Variants in ANK1 observed in about 807,000 individuals in gnomAD.
The protein encoded by ANK1 is ankyrin 1, also known as ankyrin-1.
ANK1 carries 51 observed loss-of-function variants against 210.4 expected under a neutral mutation model. The ratio of observed to expected loss-of-function variants is 0.24; its 90% confidence interval spans 0.19 to 0.31. The LOEUF (loss-of-function observed/expected upper bound fraction) is 0.31, where lower values mean the gene tolerates loss of function less well. ANK1 is among the 10% of genes least tolerant of loss of function. ANK1 has a pLI of 1.00. For missense variants in ANK1, 2,051 were observed against 2,504.4 expected, an observed-to-expected ratio of 0.82 and a Z score of 3.86; for synonymous variants, 967 against 1,025.9, an observed-to-expected ratio of 0.94 and a Z score of 1.10.
intron 1 of ANK1, among the ~76,000 whole-genome samples, chr8:41,866,978 T>G (rs1814578267): frequency 6.6e-6 from 1 of 152,212 alleles, no homozygotes; most frequent in South Asian, 2.1e-4. Flanking sequence ...TACCCAGAAA[T>G]GGAATTGCTG....
chr8:41,702,564 G>A (rs1215324797), intron 20 of ANK1, among the ~76,000 whole-genome samples: 2 of 152,074 alleles, frequency 1.3e-5, no homozygotes, highest in Non-Finnish European at 2.9e-5. Flanking sequence ...TCAGTGATGG[G>A]GTATTAAAAT....
intron 1 of ANK1, among the ~76,000 whole-genome samples, chr8:41,826,937 T>C (rs1805493820): frequency 2.0e-5 from 3 of 152,228 alleles, no homozygotes; most frequent in Admixed American, 2.0e-4. Flanking sequence ...AAGCCTTGCC[T>C]AATAATTCTG....
chr8:41,665,818 G>C (rs1044826860), intron 39 of ANK1: 8 of 155,444 alleles, frequency 5.1e-5, no homozygotes, highest in Middle Eastern at 3.1e-3. Flanking sequence ...ATGGGGTACA[G>C]CCTCCCAAAA....
intron 1 of ANK1, among the ~76,000 whole-genome samples, chr8:41,788,491 C>T (rs1846910783): frequency 6.6e-6 from 1 of 152,202 alleles, no homozygotes; most frequent in African/African-American, 2.4e-5. Flanking sequence ...CCTACACGAC[C>T]AGCCAGTCAA....
chr8:41,746,440 G>C (rs914603061), intron 2 of ANK1, among the ~76,000 whole-genome samples: 3 of 152,178 alleles, frequency 2.0e-5, no homozygotes, highest in African/African-American at 7.2e-5. Flanking sequence ...GATGGAAAGG[G>C]AGGCAACCGG....
chr8:41,811,705 C>A (rs1303752465), intron 1 of ANK1, among the ~76,000 whole-genome samples: 2 of 152,166 alleles, frequency 1.3e-5, no homozygotes, highest in Non-Finnish European at 2.9e-5. Context: ...GTGGGACTGC[C>A]AATAGTGTCC....
intron 38 of ANK1, among the ~76,000 whole-genome samples, chr8:41,669,739 CG>C (rs1563361437): frequency 6.6e-6 from 1 of 152,204 alleles, no homozygotes; most frequent in African/African-American, 2.4e-5. Flanking sequence ...CCTCTCAGCA[CG>C]GCCACCGCTG....
chr8:41,725,717 C>A, intron 6 of ANK1, 44 bp downstream of exon 6: 2 of 1,584,352 alleles, frequency 1.3e-6, no homozygotes, highest in Non-Finnish European at 1.7e-6. Flanking sequence ...CCTGAGCCCA[C>A]GGGCGTCCGC....
At chr8:41,719,353 C>T (rs752817590) in intron 10 of ANK1, among the ~76,000 whole-genome samples, 17 of 152,204 alleles carry the variant, frequency 1.1e-4, no homozygotes, top group Non-Finnish European at 2.2e-4. Context: ...TGGAGAGATG[C>T]CCCAAGCCCG....
intron 1 of ANK1, among the ~76,000 whole-genome samples, chr8:41,775,389 G>A (rs1224665360): frequency 2.0e-5 from 3 of 152,184 alleles, no homozygotes; most frequent in African/African-American, 4.8e-5. Flanking sequence ...TGAAATTTGG[G>A]GTCTGTGCCC....
At position 41,725,923 on chromosome 8, in the gene ANK1, T is replaced by C. The variant is rs6982971; in HGVS notation, c.450A>G (p.Val150=). The C allele has an allele frequency of 0.053, 85,991 of 1,613,518 alleles. 2,644 individuals are homozygous for C. Among genetic ancestry groups the C allele is most frequent in the Admixed American group, 0.061 (3,652 of 60,014 alleles). ...ATEDGFTPLA[V]ALQQGHENVV... Reference sequence around the variant, plus strand: ...CGTTCTCATGGCCCTGCTGCAGGGCTACCGCCAGAGGCGTGAAGCCGTCCT... The same window carrying C: ...CGTTCTCATGGCCCTGCTGCAGGGCCACCGCCAGAGGCGTGAAGCCGTCCT... Residue 150 remains valine (V), a synonymous_variant, in exon 6 of 43, where the codon GTA becomes GTG. Transcript: ENST00000289734.
chr8:41,693,312 T>C, intron 29 of ANK1, 111 bp from the exon 30 acceptor site: 1 of 990,128 alleles, frequency 1.0e-6, no homozygotes, highest in South Asian at 1.3e-5. Flanking sequence ...AAGCTCACTT[T>C]GTCTGCAGCC....
At chr8:41,725,200 A>C (rs1563574795) in intron 6 of ANK1, among the ~76,000 whole-genome samples, 1 of 152,224 alleles carries the variant, frequency 6.6e-6, no homozygotes, top group East Asian at 1.9e-4. Context: ...AACCCGGTGG[A>C]TCTGGGGCCG....
intron 39 of ANK1, chr8:41,665,256 G>C: frequency 6.6e-7 from 1 of 1,505,988 alleles, no homozygotes. Flanking sequence ...CTGCCCAGCA[G>C]CCAGGCTCTG....
Position 41,661,482 on chromosome 8 carries a change from T to C in ANK1, c.5627A>G (p.Lys1876Arg). 2 of 1,614,028 alleles carry C rather than the reference T, an allele frequency of 1.2e-6. No homozygotes were observed. The highest frequency in any genetic ancestry group is 1.7e-6 in the Non-Finnish European group (2 of 1,180,028). Residue 1876 changes from lysine to arginine, a missense_variant, in exon 42 of 43, where the codon AAA (lysine) becomes AGA (arginine). Lys to Arg is a conservative substitution (Grantham distance 26, BLOSUM62 2). Coordinates refer to ENST00000289734, the MANE Select transcript of ANK1 (RefSeq NM_000037.4). ...GAQIVKRASLKRGKQ is the reference protein window; with the variant it reads ...GAQIVKRASLRRGKQ The stretch of plus-strand genomic sequence containing the variant: ...GGCTCGGGGTCACTGTTTCCCCCTT[T>C]TCAGGCTGGCCCGCTTCACTATCTG...
At chr8:41,737,097 G>A (rs1429961315) in intron 2 of ANK1, among the ~76,000 whole-genome samples, 11 of 152,186 alleles carry the variant, frequency 7.2e-5, no homozygotes, top group Non-Finnish European at 1.0e-4. Context: ...GCAGGAGTTC[G>A]AGACCAGCCG....
chr8:41,853,295 A>T (rs1811598890), intron 1 of ANK1, among the ~76,000 whole-genome samples: 1 of 152,216 alleles, frequency 6.6e-6, no homozygotes, highest in Non-Finnish European at 1.5e-5. Context: ...ACTCTACAAA[A>T]ATGTCTGGCA....
At chr8:41,703,451 T>TATATATATATATA (rs1554555252) in intron 20 of ANK1, among the ~76,000 whole-genome samples, 76 of 37,256 alleles carry the variant, frequency 2.0e-3, no homozygotes, top group East Asian at 5.5e-3. Context: ...TATATATATA[T>TATATATATATATA]TTTTTTTTTT....
At chr8:41,780,815 C>T (rs1845153059) in intron 1 of ANK1, among the ~76,000 whole-genome samples, 1 of 151,934 alleles carries the variant, frequency 6.6e-6, no homozygotes, top group Non-Finnish European at 1.5e-5. Context: ...TGTATCTGTG[C>T]ATGCATGCAT....
Sources: allele counts gnomAD v4.1 joint callset (sites outside exome capture counted in the v4.1 genomes callset), GRCh38; gene constraint gnomAD v4.1.1; transcripts MANE v1.5; gene names NCBI Gene and HGNC (gene_info 2026-07-23, HGNC 2026-07-21).